MREG: variants seen among roughly 807,000 people sequenced by gnomAD.
The protein encoded by MREG is melanoregulin.
Under a neutral mutation model 28.5 loss-of-function variants are expected in MREG, and 31 were observed. That is an observed-to-expected ratio of 1.09 (90% CI 0.82 to 1.47). The LOEUF is 1.47. Among genes scored for constraint, MREG ranks in the 40% most tolerant of loss-of-function variants. The pLI is 0.00. For synonymous variants in MREG, 106 were observed against 95.2 expected, an observed-to-expected ratio of 1.11 and a Z score of -0.66; for missense variants, 256 against 257.4, an observed-to-expected ratio of 0.99 and a Z score of 0.04.
intron 2 of MREG, among the ~76,000 whole-genome samples, chr2:215,963,896 A>G (rs1208668869): frequency 6.6e-6 from 1 of 152,238 alleles, no homozygotes; most frequent in Non-Finnish European, 1.5e-5. Context: ...AAGACAAGAA[A>G]AAAGATAAAT....
At chr2:216,018,696 G>A (rs1421703375) in intron 1 of MREG, among the ~76,000 whole-genome samples, 1 of 152,208 alleles carries the variant, frequency 6.6e-6, no homozygotes, top group Non-Finnish European at 1.5e-5. Flanking sequence ...TCACATTAGG[G>A]AGTGGCATGA....
At chr2:215,998,411 C>A (rs895661036) in intron 1 of MREG, among the ~76,000 whole-genome samples, 2 of 151,958 alleles carry the variant, frequency 1.3e-5, no homozygotes, top group Non-Finnish European at 2.9e-5. Context: ...ATCTTGGAAC[C>A]AAGGCTAGCA....
upstream of MREG, among the ~76,000 whole-genome samples, chr2:216,018,231 T>C (rs1041659566): frequency 1.5e-4 from 23 of 152,304 alleles, no homozygotes; most frequent in Admixed American, 2.6e-4. Flanking sequence ...TTAGACAACA[T>C]AGCATGAGCT....
At chr2:216,010,545 G>C (rs1042695158) in intron 1 of MREG, among the ~76,000 whole-genome samples, 6 of 150,632 alleles carry the variant, frequency 4.0e-5, no homozygotes, top group African/African-American at 1.5e-4. Flanking sequence ...TTTTAGTAGA[G>C]ACGGGGTTTC....
At chr2:216,018,744 T>A (rs995166038) in intron 1 of MREG, among the ~76,000 whole-genome samples, 5 of 152,250 alleles carry the variant, frequency 3.3e-5, no homozygotes, top group Non-Finnish European at 5.9e-5. Flanking sequence ...AGGGTCCTTA[T>A]AGAGTCTGTT....
intron 2 of MREG, among the ~76,000 whole-genome samples, chr2:215,957,664 CG>C (rs1036810102): frequency 4.6e-5 from 7 of 152,038 alleles, no homozygotes; most frequent in African/African-American, 1.7e-4. Context: ...TTCAGGCTTC[CG>C]GACTGAGAAA....
At chr2:215,981,988 C>T (rs191972131) in intron 2 of MREG, among the ~76,000 whole-genome samples, 1 of 152,282 alleles carries the variant, frequency 6.6e-6, no homozygotes, top group Admixed American at 6.5e-5. Flanking sequence ...TGTGTCAACT[C>T]TGCTGACTTA....
intron 1 of MREG, among the ~76,000 whole-genome samples, chr2:215,999,548 C>G (rs910646438): frequency 2.0e-5 from 3 of 152,086 alleles, no homozygotes; most frequent in African/African-American, 7.2e-5. Context: ...TTTGTTAGAG[C>G]TAGAAGGAAG....
chr2:216,021,720 A>G (rs964229208), intron 1 of MREG, among the ~76,000 whole-genome samples: 1 of 152,194 alleles, frequency 6.6e-6, no homozygotes, highest in Admixed American at 6.5e-5. Context: ...GATTGGGTGA[A>G]ATAACACAGA....
chr2:216,024,538 AC>A (rs200260807), intron 1 of MREG, among the ~76,000 whole-genome samples: 1,683 of 152,242 alleles, frequency 0.011, 27 homozygotes, highest in African/African-American at 0.037. Flanking sequence ...GGAGAGCAGA[AC>A]CTGTCCAATT....
chr2:215,942,404 G>GCC (rs1692209645), downstream of MREG, among the ~76,000 whole-genome samples: 1 of 152,058 alleles, frequency 6.6e-6, no homozygotes, highest in Non-Finnish European at 1.5e-5. Context: ...GCACCCCTGC[G>GCC]CCCCTCTCAT....
chr2:215,986,701 C>T (rs976362509), intron 2 of MREG, among the ~76,000 whole-genome samples: 5 of 152,170 alleles, frequency 3.3e-5, no homozygotes, highest in African/African-American at 9.7e-5. Flanking sequence ...TTCATACATA[C>T]GAGTTCCCCT....
intron 2 of MREG, among the ~76,000 whole-genome samples, chr2:215,985,342 T>C (rs7576356): frequency 0.012 from 1,803 of 152,360 alleles, 38 homozygotes; most frequent in African/African-American, 0.041. Flanking sequence ...ACATTGAGGC[T>C]GTTTACTACT....
At chr2:215,959,709 G>A (rs66485429) in intron 2 of MREG, among the ~76,000 whole-genome samples, 7,821 of 152,216 alleles carry the variant, frequency 0.051, 376 homozygotes, top group African/African-American at 0.13. Context: ...CACAGAGTCT[G>A]CCTCTGACAC....
intron 2 of MREG, among the ~76,000 whole-genome samples, chr2:215,958,145 T>C (rs191536655): frequency 2.5e-4 from 38 of 151,104 alleles, no homozygotes; most frequent in African/African-American, 9.0e-4. Flanking sequence ...TTAGGAGATA[T>C]ACCTAATGCT....
chr2:216,019,971 C>A (rs1694498135), intron 1 of MREG, among the ~76,000 whole-genome samples: 1 of 152,132 alleles, frequency 6.6e-6, no homozygotes, highest in South Asian at 2.1e-4. Context: ...TAGGCAACTT[C>A]ATACTCGGGA....
At chr2:216,003,667 T>A (rs1694078620) in intron 1 of MREG, among the ~76,000 whole-genome samples, 1 of 152,156 alleles carries the variant, frequency 6.6e-6, no homozygotes, top group African/African-American at 2.4e-5. Context: ...GCACCTGATC[T>A]TCCCGCTAAA....
intron 1 of MREG, among the ~76,000 whole-genome samples, chr2:216,031,865 G>T (rs1353519842): frequency 6.6e-6 from 1 of 152,078 alleles, no homozygotes; most frequent in East Asian, 1.9e-4. Context: ...ACCTACCTGA[G>T]GACTTTATCT....
At chr2:215,987,372 G>A (rs1693600619) in intron 2 of MREG, among the ~76,000 whole-genome samples, 1 of 151,582 alleles carries the variant, frequency 6.6e-6, no homozygotes, top group Non-Finnish European at 1.5e-5. Flanking sequence ...TCAGCCTCCT[G>A]AGTAGCTGGA....
Sources: gnomAD v4.1 joint callset for allele counts (sites outside exome capture counted in the v4.1 genomes callset) on GRCh38, gnomAD v4.1.1 for gene constraint, MANE v1.5 for transcripts, NCBI Gene and HGNC (gene_info 2026-07-23, HGNC 2026-07-21) for gene names.